The following IFT80 variants were observed in gnomAD, a reference collection of about 807,000 sequenced individuals.
IFT80 encodes intraflagellar transport protein 80 homolog.
In IFT80, 79 loss-of-function variants were observed where a neutral mutation model predicts 107.9. The ratio of observed to expected loss-of-function variants is 0.73; its 90% CI spans 0.61 to 0.88. IFT80 has a LOEUF of 0.88. Ranked by LOEUF, IFT80 falls within the 40% of genes least tolerant of loss-of-function variation. The probability of loss-of-function intolerance (pLI) is 0.00; values close to 1 mark genes in which losing one functional copy is unlikely to be tolerated. For synonymous variants in IFT80, 299 were observed against 300.9 expected (o/e 0.99, Z 0.07); for missense variants, 797 against 914.2 (o/e 0.87, Z 1.65).
chr3:160,389,495 A>C (rs1157693637), intron 1 of IFT80, among the ~76,000 whole-genome samples: 1 of 91,142 alleles, frequency 1.1e-5, no homozygotes, highest in Non-Finnish European at 2.0e-5. Flanking sequence ...CCCACCCCAC[A>C]ACAGTCCCCA....
chr3:160,303,231 G>C (rs1716573280), intron 11 of IFT80, among the ~76,000 whole-genome samples: 1 of 152,066 alleles, frequency 6.6e-6, no homozygotes, highest in Non-Finnish European at 1.5e-5. Flanking sequence ...AGTTTTATTG[G>C]GTTGTAGCTG....
chr3:160,370,297 C>A (rs1263268140), intron 5 of IFT80, among the ~76,000 whole-genome samples: 1 of 151,798 alleles, frequency 6.6e-6, no homozygotes, highest in East Asian at 1.9e-4. Flanking sequence ...CTATATAGCA[C>A]TATCTGTTAA....
chr3:160,320,157 T>C (rs932927962), intron 8 of IFT80: 6 of 498,822 alleles, frequency 1.2e-5, no homozygotes, highest in Non-Finnish European at 2.1e-5. Context: ...GTGTATGAAA[T>C]ATCTCAAGAA....
At chr3:160,323,812 AC>A (rs1462501952) in intron 8 of IFT80, among the ~76,000 whole-genome samples, 1 of 152,096 alleles carries the variant, frequency 6.6e-6, no homozygotes, top group African/African-American at 2.4e-5. Flanking sequence ...ACCAAAAAAA[AC>A]CCTTCAAAAA....
chr3:160,294,850 TAG>T (rs1220963794), intron 12 of IFT80, among the ~76,000 whole-genome samples: 1 of 152,166 alleles, frequency 6.6e-6, no homozygotes, highest in East Asian at 1.9e-4. Context: ...CCCTAATTTT[TAG>T]AGTTAGTGGA....
At chr3:160,269,601 A>G (rs1404656870) in intron 18 of IFT80, among the ~76,000 whole-genome samples, 8 of 152,242 alleles carry the variant, frequency 5.3e-5, no homozygotes. Flanking sequence ...CATAAAATAT[A>G]TACACTGATG....
At chr3:160,287,295 C>T (rs1715165563) in intron 12 of IFT80, among the ~76,000 whole-genome samples, 1 of 152,148 alleles carries the variant, frequency 6.6e-6, no homozygotes, top group Non-Finnish European at 1.5e-5. Flanking sequence ...GTGGGAACCC[C>T]AGAATTTACA....
intron 1 of IFT80, among the ~76,000 whole-genome samples, chr3:160,397,037 T>C (rs1428413640): frequency 3.3e-5 from 5 of 152,190 alleles, no homozygotes; most frequent in Admixed American, 2.6e-4. Context: ...CAAAACTATA[T>C]TTTCTGTGAC....
intron 9 of IFT80, among the ~76,000 whole-genome samples, chr3:160,310,322 T>G (rs1005295790): frequency 6.6e-6 from 1 of 152,170 alleles, no homozygotes; most frequent in Non-Finnish European, 1.5e-5. Flanking sequence ...ATAACCACGA[T>G]GGGTTGAAAC....
At position 160,312,863 on chromosome 3, in the gene IFT80, A is replaced by AAT. The variant is rs1270337882; in HGVS notation, c.958-5084_958-5083dup. Among the ~76,000 whole-genome samples the AAT allele has an allele frequency of 3.3e-4, 10 of 30,056 alleles. 1 individual carries two copies. The highest frequency in any genetic ancestry group is 4.6e-4 in the African/African-American group (3 of 6,514). The allele number at this position is 30,056 out of a possible 152,430, so 19.7% of individuals were successfully genotyped here. A position where few individuals can be genotyped will look rare whatever the true frequency, so the allele number is the denominator to read the frequency against. On this transcript the variant is annotated intron_variant, in intron 9 of 19. Transcript: ENST00000326448. ...AAATGTATATTATATATAAATATATAATATATAATAAATATATATTATATA... is the reference window on the plus strand; with the variant it reads ...AAATGTATATTATATATAAATATATAATATATATAATAAATATATATTATATA...
chr3:160,348,494 AG>A (rs990773828), intron 8 of IFT80, among the ~76,000 whole-genome samples: 5 of 152,258 alleles, frequency 3.3e-5, no homozygotes, highest in South Asian at 2.1e-4. Flanking sequence ...AGCAATCAAA[AG>A]TAGGCAGACA....
intron 12 of IFT80, among the ~76,000 whole-genome samples, chr3:160,300,147 G>A (rs1050152510): frequency 3.3e-5 from 5 of 151,896 alleles, no homozygotes; most frequent in South Asian, 2.1e-4. Flanking sequence ...CTCACCCTGC[G>A]CTAGTTTTCT....
chr3:160,266,313 T>A (rs74699864), intron 19 of IFT80, among the ~76,000 whole-genome samples: 1 of 151,286 alleles, frequency 6.6e-6, no homozygotes, highest in Non-Finnish European at 1.5e-5. Flanking sequence ...ATTTTCTTCA[T>A]AGTAAGGACT....
chr3:160,319,224 T>C (rs1718029633), intron 9 of IFT80, among the ~76,000 whole-genome samples: 1 of 152,128 alleles, frequency 6.6e-6, no homozygotes, highest in Non-Finnish European at 1.5e-5. Flanking sequence ...ACCTCAGTCA[T>C]GAGCCTAGGA....
chr3:160,392,025 G>A (rs1038794473), intron 1 of IFT80, among the ~76,000 whole-genome samples: 17 of 152,194 alleles, frequency 1.1e-4, no homozygotes, highest in Non-Finnish European at 2.4e-4. Flanking sequence ...AGCCTTCTTG[G>A]AACTGCTCTC....
At chr3:160,272,532 A>T (rs1268863438) in intron 18 of IFT80, among the ~76,000 whole-genome samples, 1 of 152,160 alleles carries the variant, frequency 6.6e-6, no homozygotes, top group African/African-American at 2.4e-5. Flanking sequence ...ACAATTTTTT[A>T]AAATTCCATC....
chr3:160,354,585 G>A (rs1009802944), intron 8 of IFT80, among the ~76,000 whole-genome samples: 2 of 152,084 alleles, frequency 1.3e-5, no homozygotes, highest in Admixed American at 6.6e-5. Flanking sequence ...CCTGGTAGGC[G>A]GAGCCTGCAG....
chr3:160,366,170 A>G lies in IFT80; in HGVS notation c.440-18T>C, dbSNP rs756462482. 64 of 1,380,922 alleles carry G rather than the reference A, an allele frequency of 4.6e-5. 1 individual carries two copies. In the South Asian group the frequency reaches 7.0e-4, roughly 15 times the overall value. 85.5% of individuals were successfully genotyped at this position (1,380,922 alleles called of 1,614,324 possible). On this transcript the variant is annotated intron_variant, in intron 5 of 19. Coordinates refer to ENST00000326448, the MANE Select transcript of IFT80 (RefSeq NM_020800.3). ...TGGTGTTCCTGTAAGATGAAAAAAG[A>G]AAAAAAAAAGGCTGATAAACTTTAA...
intron 1 of IFT80, among the ~76,000 whole-genome samples, chr3:160,387,283 A>C (rs1200639798): frequency 6.6e-6 from 1 of 152,204 alleles, no homozygotes; most frequent in African/African-American, 2.4e-5. Flanking sequence ...AGGCAGGCGG[A>C]TCACGAGGTG....
Sources: allele counts gnomAD v4.1 joint callset (sites outside exome capture counted in the v4.1 genomes callset), GRCh38; gene constraint gnomAD v4.1.1; transcripts MANE v1.5; gene names NCBI Gene and HGNC (gene_info 2026-07-23, HGNC 2026-07-21).